SNX29: variants seen among roughly 807,000 people sequenced by gnomAD.
The protein encoded by SNX29 is sorting nexin-29.
Under a neutral mutation model 102.1 loss-of-function variants are expected in SNX29, and 78 were observed. The observed-to-expected ratio is 0.76, with a 90% CI of 0.64 to 0.92. SNX29 has a LOEUF of 0.92. Ranked by LOEUF, SNX29 falls within the 40% of genes least tolerant of loss-of-function variation. SNX29 has a pLI of 0.00. For synonymous variants in SNX29, 580 were observed against 414.5 expected (o/e 1.40, Z -4.85); for missense variants, 1,280 against 1,061.7 (o/e 1.21, Z -2.86).
intron 12 of SNX29, 82 bp from the exon 13 acceptor site, chr16:12,129,548 T>C: frequency 6.7e-7 from 1 of 1,492,110 alleles, no homozygotes; most frequent in East Asian, 2.4e-5. Context: ...GCTTAGGACT[T>C]GACTTATGTT....
intron 20 of SNX29, among the ~76,000 whole-genome samples, chr16:12,552,840 A>T (rs548074218): frequency 6.6e-6 from 1 of 152,278 alleles, no homozygotes; most frequent in East Asian, 1.9e-4. Flanking sequence ...GACCTGCCAG[A>T]GAGGAGAGGG....
chr16:12,354,792 T>TTTGG (rs2082085489), intron 15 of SNX29, among the ~76,000 whole-genome samples: 1 of 152,204 alleles, frequency 6.6e-6, no homozygotes, highest in Non-Finnish European at 1.5e-5. Context: ...AACCTTTTCT[T>TTTGG]ATCCAAAAGG....
At chr16:12,283,365 G>A (rs1175500568) in intron 15 of SNX29, among the ~76,000 whole-genome samples, 1 of 151,438 alleles carries the variant, frequency 6.6e-6, no homozygotes, top group Non-Finnish European at 1.5e-5. Flanking sequence ...CTGTCACCAG[G>A]CTGGAGTGTA....
intron 15 of SNX29, among the ~76,000 whole-genome samples, chr16:12,342,780 C>T (rs534252250): frequency 3.3e-5 from 5 of 152,292 alleles, no homozygotes; most frequent in East Asian, 1.9e-4. Context: ...GAATCCTGGC[C>T]GTCCAGCTCC....
At chr16:12,258,762 G>C (rs944844242) in intron 14 of SNX29, among the ~76,000 whole-genome samples, 6 of 152,100 alleles carry the variant, frequency 3.9e-5, no homozygotes, top group African/African-American at 1.4e-4. Flanking sequence ...GAACTTGTAA[G>C]GGTTTGTGAG....
At chr16:12,270,907 G>A (rs1426354297) in intron 14 of SNX29, among the ~76,000 whole-genome samples, 2 of 152,162 alleles carry the variant, frequency 1.3e-5, no homozygotes, top group Admixed American at 6.5e-5. Context: ...GCTGGGCGTG[G>A]TGGTGTGTGC....
chr16:12,080,553 ATT>A (rs1302937777), intron 11 of SNX29, among the ~76,000 whole-genome samples: 1 of 151,868 alleles, frequency 6.6e-6, no homozygotes, highest in Non-Finnish European at 1.5e-5. Context: ...TTATTTATTT[ATT>A]TTTTTGTAGA....
chr16:12,022,142 C>T (rs567160309), intron 3 of SNX29, among the ~76,000 whole-genome samples: 2 of 144,668 alleles, frequency 1.4e-5, no homozygotes, highest in African/African-American at 2.6e-5. Flanking sequence ...GTTTATATAC[C>T]GTTAAAATTG....
intron 9 of SNX29, among the ~76,000 whole-genome samples, chr16:12,064,210 G>C (rs563079430): frequency 1.3e-5 from 2 of 152,140 alleles, no homozygotes; most frequent in Non-Finnish European, 2.9e-5. Flanking sequence ...TCAGACATCC[G>C]GGTCAGCTCC....
chr16:12,149,819 C>T (rs2141577884), intron 13 of SNX29, among the ~76,000 whole-genome samples: 1 of 152,226 alleles, frequency 6.6e-6, no homozygotes, highest in South Asian at 2.1e-4. Flanking sequence ...CTTTACCAGC[C>T]TCAGTCAAGT....
chr16:12,274,069 G>A (rs1293678738), intron 14 of SNX29, among the ~76,000 whole-genome samples: 1 of 152,106 alleles, frequency 6.6e-6, no homozygotes, highest in Non-Finnish European at 1.5e-5. Flanking sequence ...TATATCTTGG[G>A]ATCTATGTAT....
intron 15 of SNX29, among the ~76,000 whole-genome samples, chr16:12,279,950 G>T (rs867306858): frequency 8.5e-5 from 13 of 152,148 alleles, no homozygotes; most frequent in African/African-American, 2.9e-4. Flanking sequence ...TGCCTACTTC[G>T]CAGGGTCCAC....
chr16:12,268,735 C>T (rs2079006367), intron 14 of SNX29, among the ~76,000 whole-genome samples: 1 of 152,178 alleles, frequency 6.6e-6, no homozygotes, highest in South Asian at 2.1e-4. Flanking sequence ...TCGTCATCAG[C>T]ATCTCACACT....
chr16:12,205,921 TAAATA>T (rs1444348630), intron 14 of SNX29, among the ~76,000 whole-genome samples: 2 of 152,220 alleles, frequency 1.3e-5, no homozygotes, highest in Non-Finnish European at 2.9e-5. Flanking sequence ...TAAATGAATA[TAAATA>T]AAATAGGAGC....
chr16:12,544,836 T>C (rs1424590510), intron 20 of SNX29, among the ~76,000 whole-genome samples: 3 of 152,206 alleles, frequency 2.0e-5, no homozygotes, highest in African/African-American at 7.2e-5. Flanking sequence ...CAAGAACTCC[T>C]TGGGGAAATG....
At chr16:12,158,485 C>G (rs1017337669) in intron 13 of SNX29, among the ~76,000 whole-genome samples, 9 of 152,214 alleles carry the variant, frequency 5.9e-5, no homozygotes, top group African/African-American at 1.9e-4. Context: ...CAGGCGTGAG[C>G]CAGTGCACCC....
chr16:12,116,593 G>C (rs937654117), intron 11 of SNX29, among the ~76,000 whole-genome samples: 3 of 152,206 alleles, frequency 2.0e-5, no homozygotes, highest in African/African-American at 7.2e-5. Flanking sequence ...AGAATCACTT[G>C]AACCCGGGAG....
intron 14 of SNX29, among the ~76,000 whole-genome samples, chr16:12,249,871 A>G (rs1162169325): frequency 6.6e-6 from 1 of 152,112 alleles, no homozygotes; most frequent in African/African-American, 2.4e-5. Context: ...ACTCTTTCAC[A>G]CTGTTCCTGT....
intron 20 of SNX29, among the ~76,000 whole-genome samples, chr16:12,528,780 G>T (rs1048716509): frequency 2.0e-5 from 3 of 152,160 alleles, no homozygotes; most frequent in Admixed American, 6.5e-5. Flanking sequence ...TGATGCATTC[G>T]GTTTGCACAC....
Sources: allele counts gnomAD v4.1 joint callset (sites outside exome capture counted in the v4.1 genomes callset), GRCh38; gene constraint gnomAD v4.1.1; transcripts MANE v1.5; gene names NCBI Gene and HGNC (gene_info 2026-07-23, HGNC 2026-07-21).